The following OR4K1 variants were observed in gnomAD, a reference collection of about 807,000 sequenced individuals.
OR4K1 encodes the protein olfactory receptor 4K1.
In OR4K1, 16 loss-of-function variants were observed where a neutral mutation model predicts 14.4. The ratio of observed to expected loss-of-function variants is 1.11; its 90% CI spans 0.75 to 1.68. The LOEUF (loss-of-function observed/expected upper bound fraction) is 1.68. Among genes scored for constraint, OR4K1 ranks in the 40% most tolerant of loss-of-function variants. The pLI is 0.00. For missense variants in OR4K1, 548 were observed against 376.9 expected (o/e 1.45, Z -3.76); for synonymous variants, 181 against 133.1 (o/e 1.36, Z -2.48).
In OR4K1 at chr14:19,936,029, C is replaced by A; in HGVS notation, c.363C>A (p.Asp121Glu). The A allele has an allele frequency of 6.2e-7, 1 of 1,614,236 alleles. No individual in the cohort carries two copies. Among genetic ancestry groups the A allele is most frequent in the Non-Finnish European group, 8.5e-7 (1 of 1,180,038 alleles). Residue 121 changes from aspartate to glutamate, a missense_variant, in exon 2 of 2, where the codon GAC (aspartate) becomes GAA (glutamate). Asp to Glu is a conservative substitution (Grantham distance 45). Transcript: ENST00000641172. ...EMMLLVAMAYDRFIAICKPLH... is the reference protein window; with the variant it reads ...EMMLLVAMAYERFIAICKPLH... ...TGTTGCTTGTAGCTATGGCATATGA[C>A]AGATTTATAGCCATATGTAAGCCTC...
chr14:19,936,110 C>G lies in OR4K1; in HGVS notation c.444C>G (p.Ser148=), dbSNP rs1882312053. 6.2e-7 allele frequency: 1 copy of G among 1,614,208 alleles called. No individual in the cohort carries two copies. Among genetic ancestry groups the G allele is most frequent in the Non-Finnish European group, 8.5e-7 (1 of 1,180,032 alleles). Residue 148 remains serine, a synonymous_variant, in exon 2 of 2, where the codon TCC becomes TCG. Transcript: ENST00000641172. ...RRLCVIFVSI[S]WAVGVLHSVS... The stretch of plus-strand genomic sequence containing the variant: ...TCTGTGTAATTTTTGTGTCTATTTC[C>G]TGGGCGGTGGGCGTTCTTCATTCTG...
At chr14:19,924,854 T>C in the OR4K1 span, among the ~76,000 whole-genome samples, 1 of 152,244 alleles carries the variant, frequency 6.6e-6, no homozygotes, top group Admixed American at 6.5e-5. Flanking sequence ...ATTTAATTAA[T>C]TCTTATTTAA....
chr14:19,930,549 G>T (rs767718006), upstream of OR4K1, among the ~76,000 whole-genome samples: 1 of 152,194 alleles, frequency 6.6e-6, no homozygotes, highest in African/African-American at 2.4e-5. Context: ...GAAGCAGTGG[G>T]CTCCTTGTGA....
chr14:19,933,430 G>A (rs1882230222), intron 1 of OR4K1, among the ~76,000 whole-genome samples: 1 of 152,074 alleles, frequency 6.6e-6, no homozygotes, highest in Non-Finnish European at 1.5e-5. Context: ...CTTTTTCAAT[G>A]TTTCTTTGCT....
chr14:19,921,408 G>C, the OR4K1 span: 1 of 1,613,894 alleles, frequency 6.2e-7, no homozygotes, highest in Non-Finnish European at 8.5e-7. Context: ...CTCTCCTTTG[G>C]ATAAATTTCT....
upstream of OR4K1, among the ~76,000 whole-genome samples, chr14:19,929,182 C>A (rs1009108343): frequency 1.3e-4 from 19 of 150,482 alleles, no homozygotes; most frequent in African/African-American, 4.6e-4. Context: ...TACTTTTTCC[C>A]ATGAATTTCA....
At chr14:19,920,328 A>G in the OR4K1 span, among the ~76,000 whole-genome samples, 1 of 152,190 alleles carries the variant, frequency 6.6e-6, no homozygotes, top group Non-Finnish European at 1.5e-5. Flanking sequence ...CTCATTTCCT[A>G]CTGTATAAAA....
chr14:19,923,294 C>T, the OR4K1 span, among the ~76,000 whole-genome samples: 8 of 152,234 alleles, frequency 5.3e-5, no homozygotes, highest in Admixed American at 1.3e-4. Context: ...CCATATTACG[C>T]TGTTTTAATT....
Position 19,936,017 on chromosome 14 carries a change from T to G in OR4K1, c.351T>G (p.Ala117=). Residue 117 remains alanine (A), a synonymous_variant, in exon 2 of 2, where the codon GCT becomes GCG. Coordinates refer to ENST00000641172, the MANE Select transcript of OR4K1 (RefSeq NM_001004063.3). ...GGAGTGAGATGATGTTGCTTGTAGC[T>G]ATGGCATATGACAGATTTATAGCCA... ...FVGSEMMLLV[A]MAYDRFIAIC... The G allele has an allele frequency of 1.2e-6, 2 of 1,614,250 alleles. No homozygotes were observed. Among genetic ancestry groups the G allele is most frequent in the Non-Finnish European group, 1.7e-6 (2 of 1,180,036 alleles).
chr14:19,921,594 A>C, the OR4K1 span: 5 of 1,599,334 alleles, frequency 3.1e-6, no homozygotes, highest in Non-Finnish European at 3.4e-6. Flanking sequence ...AACTCCTTCA[A>C]ATTCCTCAGG....
At chr14:19,920,630 G>A in the OR4K1 span, 2 of 1,610,600 alleles carry the variant, frequency 1.2e-6, no homozygotes, top group African/African-American at 2.7e-5. Context: ...ATTCTTCAGT[G>A]GTGTCTGAAT....
the OR4K1 span, chr14:19,921,059 G>A: frequency 1.2e-6 from 2 of 1,614,204 alleles, no homozygotes; most frequent in Admixed American, 1.7e-5. Context: ...CCTGGGCTGT[G>A]AGCTTGGTGC....
chr14:19,925,200 A>C, the OR4K1 span, among the ~76,000 whole-genome samples: 2 of 152,244 alleles, frequency 1.3e-5, no homozygotes, highest in African/African-American at 2.4e-5. Context: ...TAGTCAATTG[A>C]AAAAGTGTAA....
the OR4K1 span, chr14:19,920,963 CTATGA>C: frequency 6.2e-7 from 1 of 1,614,144 alleles, no homozygotes; most frequent in African/African-American, 1.3e-5. Flanking sequence ...TTTCGATGGC[CTATGA>C]CAGGTATGTA....
the OR4K1 span, chr14:19,921,677 A>G: frequency 4.9e-6 from 6 of 1,227,894 alleles, no homozygotes; most frequent in Non-Finnish European, 6.7e-6. Context: ...TGAAGAAGAT[A>G]ATATAGAGAA....
At chr14:19,930,305 T>C (rs542057042), upstream of OR4K1, among the ~76,000 whole-genome samples, 2 of 152,334 alleles carry the variant, frequency 1.3e-5, no homozygotes, top group African/African-American at 4.8e-5. Context: ...ACCTTCAATT[T>C]TTTTACTTAA....
At chr14:19,924,376 G>A in the OR4K1 span, among the ~76,000 whole-genome samples, 1 of 105,466 alleles carries the variant, frequency 9.5e-6, no homozygotes, top group Non-Finnish European at 1.8e-5. Flanking sequence ...CTCCAGCCTG[G>A]GCAACAAGAG....
At chr14:19,923,165 T>G in the OR4K1 span, among the ~76,000 whole-genome samples, 1 of 152,252 alleles carries the variant, frequency 6.6e-6, no homozygotes, top group Non-Finnish European at 1.5e-5. Flanking sequence ...TTTATTTAAT[T>G]GTTCATTATT....
At chr14:19,931,458 G>T (rs1377782188) in intron 1 of OR4K1, 1 of 152,386 alleles carries the variant, frequency 6.6e-6, no homozygotes, top group Admixed American at 6.5e-5. Flanking sequence ...CAGTGACTCT[G>T]TAGCCATTAG....
Sources: allele counts gnomAD v4.1 joint callset (sites outside exome capture counted in the v4.1 genomes callset), GRCh38; gene constraint gnomAD v4.1.1; transcripts MANE v1.5; gene names NCBI Gene and HGNC (gene_info 2026-07-23, HGNC 2026-07-21).